The following MDGA2 variants were observed in gnomAD, a reference collection of about 807,000 sequenced individuals.
MDGA2 encodes the protein MAM domain containing glycosylphosphatidylinositol anchor 2, also known as MAM domain-containing glycosylphosphatidylinositol anchor protein 2.
MDGA2 carries 40 observed loss-of-function variants against 117.8 expected under a neutral mutation model. The observed-to-expected ratio is 0.34, with a 90% CI of 0.26 to 0.44. The LOEUF (loss-of-function observed/expected upper bound fraction) is 0.44. Ranked by LOEUF, MDGA2 falls within the 20% of genes least tolerant of loss-of-function variation. MDGA2 has a pLI of 1.00. For missense variants in MDGA2, 1,123 were observed against 1,250.6 expected (o/e 0.90, Z 1.54); for synonymous variants, 452 against 439.0 (o/e 1.03, Z -0.37).
intron 3 of MDGA2, among the ~76,000 whole-genome samples, chr14:47,167,707 T>C (rs779142083): frequency 6.7e-6 from 1 of 149,102 alleles, no homozygotes; most frequent in Non-Finnish European, 1.5e-5. Flanking sequence ...TTATCGGAAA[T>C]ATTCAGGAAG....
At chr14:46,904,415 C>T (rs953871601) in intron 10 of MDGA2, among the ~76,000 whole-genome samples, 2 of 150,214 alleles carry the variant, frequency 1.3e-5, no homozygotes, top group Admixed American at 6.6e-5. Flanking sequence ...AATTATAATT[C>T]GTATGGCCAT....
At chr14:47,184,622 C>T (rs1884839555) in intron 3 of MDGA2, among the ~76,000 whole-genome samples, 1 of 151,772 alleles carries the variant, frequency 6.6e-6, no homozygotes, top group South Asian at 2.1e-4. Context: ...AACAAATATT[C>T]TATGACACTT....
At chr14:46,929,622 TATATATATATATATATATATATATAC>T (rs1566530265) in intron 9 of MDGA2, among the ~76,000 whole-genome samples, 116 of 30,470 alleles carry the variant, frequency 3.8e-3, no homozygotes, top group Non-Finnish European at 6.8e-3. Flanking sequence ...TATATATATA[TATATATATATATATATATATATATAC>T]ATTTTTTTTT....
intron 4 of MDGA2, among the ~76,000 whole-genome samples, chr14:47,135,783 A>G (rs897461834): frequency 6.6e-6 from 1 of 152,082 alleles, no homozygotes; most frequent in African/African-American, 2.4e-5. Context: ...TCATCAAATT[A>G]GTTATGTCAC....
At chr14:47,426,446 ACAC>A (rs1177105459) in intron 1 of MDGA2, among the ~76,000 whole-genome samples, 1 of 151,818 alleles carries the variant, frequency 6.6e-6, no homozygotes, top group Non-Finnish European at 1.5e-5. Context: ...TACTTTTTTG[ACAC>A]CACAAGATGA....
intron 1 of MDGA2, among the ~76,000 whole-genome samples, chr14:47,549,869 G>A (rs897448099): frequency 6.6e-6 from 1 of 152,168 alleles, no homozygotes; most frequent in Non-Finnish European, 1.5e-5. Context: ...ACCAGAAAGC[G>A]ACTATGCTGC....
chr14:47,199,761 TAC>T (rs1885421386), intron 3 of MDGA2, among the ~76,000 whole-genome samples: 1 of 152,194 alleles, frequency 6.6e-6, no homozygotes, highest in Non-Finnish European at 1.5e-5. Context: ...TTTTTCAGCT[TAC>T]AGAATAGTAA....
intron 10 of MDGA2, among the ~76,000 whole-genome samples, chr14:46,911,312 T>G (rs1337727503): frequency 6.6e-6 from 1 of 152,212 alleles, no homozygotes; most frequent in African/African-American, 2.4e-5. Context: ...TTCTTGAACA[T>G]TTTAAAACAG....
chr14:46,923,566 T>C (rs950584713), intron 9 of MDGA2, among the ~76,000 whole-genome samples: 4 of 152,096 alleles, frequency 2.6e-5, no homozygotes, highest in African/African-American at 7.2e-5. Flanking sequence ...TAGTAATGAT[T>C]AGTAATAAGT....
At chr14:47,531,062 G>A (rs932132367) in intron 1 of MDGA2, among the ~76,000 whole-genome samples, 37 of 152,044 alleles carry the variant, frequency 2.4e-4, no homozygotes, top group African/African-American at 7.7e-4. Context: ...TGGCTAACAC[G>A]ATGAAACCCC....
Position 47,013,797 on chromosome 14 carries a change from C to CT in MDGA2, c.1819+21213dup, listed in dbSNP as rs1309391446. 8.7e-3 allele frequency among the ~76,000 whole-genome samples: 303 copies of CT among 34,828 alleles called. 6 individuals carry two copies. The highest frequency in any genetic ancestry group is 0.048 in the South Asian group (44 of 910). The allele number at this position is 34,828 out of a possible 152,430, so 22.8% of individuals were successfully genotyped here. Reference sequence around the variant, plus strand: ...GTATATATATATATATATATATCTCCTTTTTTTTTTTGACAGAGTGTTGCT... The same window carrying CT: ...GTATATATATATATATATATATCTCCTTTTTTTTTTTTGACAGAGTGTTGCT... On this transcript the variant is annotated intron_variant, in intron 8 of 16. Coordinates refer to ENST00000399232, the MANE Select transcript of MDGA2 (RefSeq NM_001113498.3).
chr14:47,217,650 ATAAGT>A (rs1269671018), intron 3 of MDGA2, among the ~76,000 whole-genome samples: 5 of 152,066 alleles, frequency 3.3e-5, no homozygotes, highest in Non-Finnish European at 7.4e-5. Context: ...AAAAATAAAC[ATAAGT>A]TAAAGAATAT....
chr14:47,566,487 G>A (rs1276665490), intron 1 of MDGA2, among the ~76,000 whole-genome samples: 1 of 152,158 alleles, frequency 6.6e-6, no homozygotes, highest in Non-Finnish European at 1.5e-5. Context: ...GAATGTCCCT[G>A]GATGTGCTCC....
chr14:47,268,865 T>C (rs1414778690), intron 2 of MDGA2, among the ~76,000 whole-genome samples: 2 of 152,338 alleles, frequency 1.3e-5, no homozygotes, highest in African/African-American at 4.8e-5. Flanking sequence ...TGTTTAAGGA[T>C]AAATGCTGCC....
intron 5 of MDGA2, among the ~76,000 whole-genome samples, chr14:47,125,925 T>C (rs1881880900): frequency 6.6e-6 from 1 of 152,056 alleles, no homozygotes; most frequent in Non-Finnish European, 1.5e-5. Flanking sequence ...CATCAAGTCA[T>C]AAGTGCTTGA....
intron 2 of MDGA2, among the ~76,000 whole-genome samples, chr14:47,229,459 T>A (rs763301920): frequency 1.3e-5 from 2 of 152,082 alleles, no homozygotes; most frequent in Non-Finnish European, 2.9e-5. Context: ...AATTCAGAAT[T>A]AGCAGGCAAA....
intron 3 of MDGA2, among the ~76,000 whole-genome samples, chr14:47,201,504 G>C (rs541485284): frequency 6.6e-6 from 1 of 152,232 alleles, no homozygotes; most frequent in East Asian, 1.9e-4. Flanking sequence ...AAACCTTAGT[G>C]CTGTTTCACA....
At chr14:47,133,889 C>A (rs1882327975) in intron 4 of MDGA2, among the ~76,000 whole-genome samples, 1 of 151,944 alleles carries the variant, frequency 6.6e-6, no homozygotes, top group African/African-American at 2.4e-5. Flanking sequence ...CTAAACCCTA[C>A]AATCAACTAA....
At chr14:47,316,827 A>G (rs1366030197) in intron 1 of MDGA2, among the ~76,000 whole-genome samples, 2 of 152,140 alleles carry the variant, frequency 1.3e-5, no homozygotes, top group African/African-American at 4.8e-5. Flanking sequence ...AAATTTCAAT[A>G]CCTAAAATGA....
Sources: gnomAD v4.1 joint callset for allele counts (sites outside exome capture counted in the v4.1 genomes callset) on GRCh38, gnomAD v4.1.1 for gene constraint, MANE v1.5 for transcripts, NCBI Gene and HGNC (gene_info 2026-07-23, HGNC 2026-07-21) for gene names.